Variants in SLX4IP observed in about 807,000 individuals in gnomAD.
SLX4IP encodes protein SLX4IP.
A neutral mutation model predicts 32.9 loss-of-function variants in SLX4IP; 34 were observed. That is an observed-to-expected ratio of 1.03 (90% CI 0.79 to 1.38). The LOEUF (loss-of-function observed/expected upper bound fraction) is 1.38, where lower values mean the gene tolerates loss of function less well. SLX4IP is among the 40% of genes most tolerant of loss of function. The pLI, the probability that SLX4IP is intolerant of heterozygous loss-of-function variation, is 0.00. For synonymous variants in SLX4IP, 172 were observed against 171.7 expected (o/e 1.00, Z -0.01); for missense variants, 444 against 479.0 (o/e 0.93, Z 0.68).
Position 10,627,923 on chromosome 20 carries a change from G to A in SLX4IP, c.*4544G>A, listed in dbSNP as rs1161887669. On this transcript the variant is annotated 3_prime_UTR_variant, in exon 8 of 8. Coordinates refer to ENST00000334534, the MANE Select transcript of SLX4IP (RefSeq NM_001009608.3). ...TTTCCCTTATCTTCTCATTTGTTTT[G>A]TTATAAACTGTTTAAATAGTTCAAA... 2.0e-5 allele frequency: 3 copies of A among 152,128 alleles called. No individual in the cohort carries two copies. Among genetic ancestry groups the A allele is most frequent in the Non-Finnish European group, 4.4e-5 (3 of 68,028 alleles). 9.4% of individuals were successfully genotyped at this position (152,128 alleles called of 1,614,324 possible).
chr20:10,509,082 C>G (rs1346019778), intron 2 of SLX4IP, among the ~76,000 whole-genome samples: 2 of 152,164 alleles, frequency 1.3e-5, no homozygotes, highest in African/African-American at 2.4e-5. Context: ...TCCTCCCACT[C>G]CGAGTCAGGG....
At chr20:10,473,991 T>C (rs1356226808) in intron 2 of SLX4IP, among the ~76,000 whole-genome samples, 2 of 152,010 alleles carry the variant, frequency 1.3e-5, no homozygotes, top group East Asian at 3.9e-4. Flanking sequence ...CCTGGCTAAT[T>C]TTTGTATTTT....
At chr20:10,486,323 GAGATGA>G (rs1373116332) in intron 2 of SLX4IP, among the ~76,000 whole-genome samples, 2 of 146,056 alleles carry the variant, frequency 1.4e-5, no homozygotes, top group Non-Finnish European at 3.0e-5. Context: ...AAGGAGTTCA[GAGATGA>G]AGACATTACC....
At chr20:10,452,812 C>G (rs866529354) in intron 1 of SLX4IP, among the ~76,000 whole-genome samples, 3 of 151,286 alleles carry the variant, frequency 2.0e-5, no homozygotes, top group Non-Finnish European at 4.4e-5. Context: ...GATTGAGCCA[C>G]TGCACTTTAG....
intron 4 of SLX4IP, among the ~76,000 whole-genome samples, chr20:10,597,960 CTTGAA>C (rs1432836725): frequency 6.6e-6 from 1 of 152,150 alleles, no homozygotes; most frequent in African/African-American, 2.4e-5. Flanking sequence ...TTTTGACATA[CTTGAA>C]TTAATTTATT....
At chr20:10,573,466 G>A (rs1281459328) in intron 4 of SLX4IP, among the ~76,000 whole-genome samples, 4 of 152,170 alleles carry the variant, frequency 2.6e-5, no homozygotes, top group African/African-American at 9.7e-5. Flanking sequence ...TTTTATGTGA[G>A]TCAGTTATTA....
At chr20:10,461,085 A>G (rs1484938202) in intron 2 of SLX4IP, among the ~76,000 whole-genome samples, 1 of 152,156 alleles carries the variant, frequency 6.6e-6, no homozygotes, top group Non-Finnish European at 1.5e-5. Context: ...AGTTTGTTGG[A>G]TAGTCTCATA....
intron 4 of SLX4IP, among the ~76,000 whole-genome samples, chr20:10,572,083 C>T (rs1328052343): frequency 6.6e-6 from 1 of 152,192 alleles, no homozygotes; most frequent in Non-Finnish European, 1.5e-5. Flanking sequence ...CTTCCACCTA[C>T]CCATGGCAGA....
At chr20:10,531,218 TC>T (rs2065986479) in intron 2 of SLX4IP, among the ~76,000 whole-genome samples, 3 of 152,164 alleles carry the variant, frequency 2.0e-5, no homozygotes, top group Admixed American at 1.3e-4. Context: ...TCACCCCACC[TC>T]CTACCTGCCG....
chr20:10,477,114 G>A lies in SLX4IP; in HGVS notation c.27+18883G>A, dbSNP rs6077812. Among the ~76,000 whole-genome samples, 56 of 152,246 alleles carry A rather than the reference G, an allele frequency of 3.7e-4. No homozygotes were observed. The East Asian group carries it at 7.7e-3, about 21-fold the overall frequency. On this transcript the variant is annotated intron_variant, in intron 2 of 7. Coordinates refer to ENST00000334534, the MANE Select transcript of SLX4IP (RefSeq NM_001009608.3). ...GCAGACACAGGTTTTTGGTGTCTTA[G>A]GTTCTAAAGATACCAGTGTTCCTTA...
intron 4 of SLX4IP, among the ~76,000 whole-genome samples, chr20:10,576,940 G>GT (rs1016989196): frequency 1.1e-4 from 16 of 151,924 alleles, no homozygotes; most frequent in Admixed American, 2.6e-4. Flanking sequence ...TATTTGCGGT[G>GT]TTTTTTTTCT....
intron 1 of SLX4IP, among the ~76,000 whole-genome samples, chr20:10,437,519 A>G (rs1330556155): frequency 1.3e-5 from 2 of 152,210 alleles, no homozygotes; most frequent in East Asian, 3.8e-4. Flanking sequence ...ACTTAAAATA[A>G]TCGGGATTTT....
chr20:10,566,391 A>G lies in SLX4IP; in HGVS notation c.238+5571A>G, dbSNP rs923912255. ...CCCTTTGGCCTGTTTGTATATTGCC[A>G]TAAAGAGCCTGAAACAGTCACATGG... On this transcript the variant is annotated intron_variant, in intron 4 of 7. Transcript: ENST00000334534. 2.1e-5 allele frequency among the ~76,000 whole-genome samples: 3 copies of G among 146,038 alleles called. No homozygotes were observed. In the Admixed American group the frequency reaches 2.2e-4, roughly 10 times the overall value.
intron 2 of SLX4IP, among the ~76,000 whole-genome samples, chr20:10,469,708 G>A (rs1251812017): frequency 6.6e-6 from 1 of 152,128 alleles, no homozygotes; most frequent in Non-Finnish European, 1.5e-5. Flanking sequence ...GGGCATCATT[G>A]TTCCAATGTT....
chr20:10,446,327 A>G (rs11699025), intron 1 of SLX4IP, among the ~76,000 whole-genome samples: 74,613 of 150,278 alleles, frequency 0.5, 19,805 homozygotes, highest in Non-Finnish European at 0.6. Context: ...CAAGAGAATC[A>G]CTTGAACTCG....
At chr20:10,614,000 TTC>T (rs1179970759) in intron 6 of SLX4IP, 2 of 1,270,468 alleles carry the variant, frequency 1.6e-6, no homozygotes, top group Non-Finnish European at 2.3e-6. Context: ...CTGCTCTCTG[TTC>T]TCTGTCACCG....
At chr20:10,621,214 C>A in intron 6 of SLX4IP, 100 bp from the exon 7 acceptor site, 1 of 1,083,486 alleles carries the variant, frequency 9.2e-7, no homozygotes, top group Non-Finnish European at 1.4e-6. Flanking sequence ...TCAGTCTTTA[C>A]AAAAATAAAT....
chr20:10,567,353 C>T (rs1601011307), intron 4 of SLX4IP, among the ~76,000 whole-genome samples: 1 of 152,180 alleles, frequency 6.6e-6, no homozygotes, highest in Non-Finnish European at 1.5e-5. Flanking sequence ...GCAGAGCCTT[C>T]ATAAATAGTT....
chr20:10,573,292 A>G (rs1345034283), intron 4 of SLX4IP, among the ~76,000 whole-genome samples: 1 of 152,222 alleles, frequency 6.6e-6, no homozygotes, highest in Non-Finnish European at 1.5e-5. Context: ...AGGCATTTTC[A>G]GAGGACAATG....
Sources: gnomAD v4.1 joint callset for allele counts (sites outside exome capture counted in the v4.1 genomes callset) on GRCh38, gnomAD v4.1.1 for gene constraint, MANE v1.5 for transcripts, NCBI Gene and HGNC (gene_info 2026-07-23, HGNC 2026-07-21) for gene names.